The following ZSWIM9 variants were observed in gnomAD, a reference collection of about 807,000 sequenced individuals.
ZSWIM9 encodes zinc finger SWIM-type containing 9.
ZSWIM9 carries 11 observed loss-of-function variants against 25.0 expected under a neutral mutation model. The observed-to-expected ratio is 0.44, with a 90% CI of 0.28 to 0.73. The LOEUF is 0.73. Among genes scored for constraint, ZSWIM9 ranks in the 30% least tolerant of loss-of-function variants. ZSWIM9 has a pLI of 0.16. For missense variants in ZSWIM9, 1,070 were observed against 1,296.5 expected (o/e 0.83, Z 2.68); for synonymous variants, 562 against 582.1 (o/e 0.97, Z 0.50).
At chr19:48,172,123 C>CGG in intron 2 of ZSWIM9, 46 bp downstream of exon 2, 1 of 374,640 alleles carries the variant, frequency 2.7e-6, no homozygotes, top group Non-Finnish European at 4.5e-6. Flanking sequence ...AGGGGAGCAC[C>CGG]GGGGGTGGGT....
At chr19:48,187,565 A>ATTATTATTATATTATATT (rs1568579812) in intron 3 of ZSWIM9, 3 of 23,684 alleles carry the variant, frequency 1.3e-4, no homozygotes, top group African/African-American at 3.4e-4. Flanking sequence ...TATTATATAT[A>ATTATTATTATATTATATT]ATATTATATA....
chr19:48,174,013 T>G (rs1464536001), intron 2 of ZSWIM9, among the ~76,000 whole-genome samples: 1 of 152,058 alleles, frequency 6.6e-6, no homozygotes, highest in Non-Finnish European at 1.5e-5. Flanking sequence ...AGCCCATGTT[T>G]CCATTGGCAG....
intron 3 of ZSWIM9, among the ~76,000 whole-genome samples, chr19:48,191,536 C>A (rs1194952893): frequency 6.6e-6 from 1 of 152,076 alleles, no homozygotes; most frequent in Non-Finnish European, 1.5e-5. Flanking sequence ...TCAATTTTTT[C>A]TTTGGGGCAG....
chr19:48,175,444 C>T (rs1039989049), intron 2 of ZSWIM9, among the ~76,000 whole-genome samples: 26 of 152,054 alleles, frequency 1.7e-4, no homozygotes, highest in Non-Finnish European at 1.3e-4. Flanking sequence ...AGCCCATGGG[C>T]CGAGGTCAGG....
At chr19:48,178,825 C>T (rs1000226177) in intron 2 of ZSWIM9, among the ~76,000 whole-genome samples, 6 of 152,152 alleles carry the variant, frequency 3.9e-5, no homozygotes, top group African/African-American at 1.4e-4. Flanking sequence ...CTGGCCACCT[C>T]AGCCTCCCAA....
At position 48,195,139 on chromosome 19, in the gene ZSWIM9, G is replaced by A; in HGVS notation, c.1075G>A (p.Asp359Asn). 6.6e-7 allele frequency: 1 copy of A among 1,506,174 alleles called. No homozygotes were observed. The highest frequency in any genetic ancestry group is 1.4e-5 in the African/African-American group (1 of 69,704). 93.3% of individuals were successfully genotyped at this position (1,506,174 alleles called of 1,614,324 possible). A position where few individuals can be genotyped will look rare whatever the true frequency, so the allele number is the denominator to read the frequency against. Residue 359 changes from aspartate (D) to asparagine (N), a missense_variant, in exon 4 of 4, where the codon GAC (aspartate) becomes AAC (asparagine). Physicochemically the swap from Asp to Asn is conservative, Grantham distance 23. Transcript: ENST00000614654. This position sits in a 1 kb window ranked among gnomAD's most constrained non-coding sequence, Gnocchi z 5.8. The stretch of plus-strand genomic sequence containing the variant: ...TGGCGCGTCGTCGCCCGCAGCCTAC[G>A]ACGAGGCGCTGGCCGAGCTCCACGC... ...LAGASSPAAY[D>N]EALAELHAHG...
In ZSWIM9 at chr19:48,197,088, A is replaced by C; in HGVS notation, c.*261A>C. The C allele has an allele frequency of 1.7e-6, 1 of 577,440 alleles. No individual in the cohort carries two copies. Among genetic ancestry groups the C allele is most frequent in the Non-Finnish European group, 3.1e-6 (1 of 324,522 alleles). 35.8% of individuals were successfully genotyped at this position (577,440 alleles called of 1,614,324 possible). On this transcript the variant is annotated 3_prime_UTR_variant, in exon 4 of 4. Coordinates refer to ENST00000614654, the MANE Select transcript of ZSWIM9 (RefSeq NM_199341.4). ...GAGGGCTTCCCTCTGGAGAGGAAGC[A>C]TGTGATGAGAGGTGTAGACAGGGTC...
intron 3 of ZSWIM9, among the ~76,000 whole-genome samples, chr19:48,183,786 A>G (rs2036980572): frequency 7.2e-6 from 1 of 138,966 alleles, no homozygotes; most frequent in South Asian, 2.2e-4. Flanking sequence ...ACAGGCGTGC[A>G]CCACCACACC....
intron 3 of ZSWIM9, among the ~76,000 whole-genome samples, chr19:48,186,311 G>T (rs1987664): frequency 0.16 from 22,231 of 137,782 alleles, 2,038 homozygotes; most frequent in African/African-American, 0.28. Context: ...TTGTTTGTTT[G>T]TTCTTTGAGA....
chr19:48,172,291 A>G (rs2036842304), intron 2 of ZSWIM9, among the ~76,000 whole-genome samples: 1 of 151,366 alleles, frequency 6.6e-6, no homozygotes, highest in Non-Finnish European at 1.5e-5. Flanking sequence ...CTCACGGAGC[A>G]AGAGATGGTG....
rs748499981 is a variant in ZSWIM9, at chr19:48,172,126, G to T, written c.275+49G>T. ...CTGCTGGGGGGAAGGGGAGCACCGG[G>T]GGTGGGTGTGGGTGGGAGACGGGCA... On this transcript the variant is annotated intron_variant, in intron 2 of 3. Transcript: ENST00000614654. 2.9e-6 allele frequency: 4 copies of T among 1,368,576 alleles called. No homozygotes were observed. In the Admixed American group the frequency reaches 6.9e-5, roughly 24 times the overall value. 84.8% of individuals were successfully genotyped at this position (1,368,576 alleles called of 1,614,324 possible).
In ZSWIM9 at chr19:48,182,777, C is replaced by T. The variant is rs896485130; in HGVS notation, c.588+10C>T. On this transcript the variant is annotated intron_variant, in intron 3 of 3. Coordinates refer to ENST00000614654, the MANE Select transcript of ZSWIM9 (RefSeq NM_199341.4). This position sits in a 1 kb window ranked among gnomAD's most constrained non-coding sequence, Gnocchi z 4.6. ...CGACCCCGAGGCCAAGGTGGGGTCT[C>T]GAGAGAGGCAGGCCGGGGGAGGGGG... The T allele has an allele frequency of 6.6e-6, 10 of 1,516,458 alleles. No individual in the cohort carries two copies. Among genetic ancestry groups the T allele is most frequent in the Admixed American group, 4.0e-5 (2 of 49,946 alleles). 93.9% of individuals were successfully genotyped at this position (1,516,458 alleles called of 1,614,324 possible).
Position 48,195,824 on chromosome 19 carries a change from T to C in ZSWIM9, c.1760T>C (p.Leu587Pro). The C allele has an allele frequency of 4.7e-6, 7 of 1,483,878 alleles. No homozygotes were observed. Among genetic ancestry groups the C allele is most frequent in the Non-Finnish European group, 6.2e-6 (7 of 1,123,786 alleles). The allele number at this position is 1,483,878 out of a possible 1,614,324, so 91.9% of individuals were successfully genotyped here. Residue 587 changes from leucine to proline, a missense_variant, in exon 4 of 4, where the codon CTA (leucine) becomes CCA (proline). By Grantham distance (98) the Leu-to-Pro change is moderately conservative (BLOSUM62 -3). Transcript: ENST00000614654. The surrounding 1 kb of genome is among the most constrained non-coding windows in gnomAD (Gnocchi z 5.8). Reference protein sequence around the residue: ...WRGSQLEDQALRGLEGYTWRV... With the variant: ...WRGSQLEDQAPRGLEGYTWRV... The stretch of plus-strand genomic sequence containing the variant: ...GGGTCCCAGTTGGAGGACCAGGCGC[T>C]AAGAGGATTGGAAGGGTATACCTGG...
Position 48,196,885 on chromosome 19 carries a change from C to T in ZSWIM9, c.*58C>T. 2 of 1,247,460 alleles carry T rather than the reference C, an allele frequency of 1.6e-6. No individual in the cohort carries two copies. Among genetic ancestry groups the T allele is most frequent in the Non-Finnish European group, 2.0e-6 (2 of 996,640 alleles). The allele number at this position is 1,247,460 out of a possible 1,614,324, so 77.3% of individuals were successfully genotyped here. ...GGAGGGTCGGAGGGCATTCTTCGAT[C>T]CCAAAGATAATAGGGCTGAGGCCAA... On this transcript the variant is annotated 3_prime_UTR_variant, in exon 4 of 4. Coordinates refer to ENST00000614654, the MANE Select transcript of ZSWIM9 (RefSeq NM_199341.4).
chr19:48,177,024 A>G (rs113129519), intron 2 of ZSWIM9, among the ~76,000 whole-genome samples: 5,826 of 152,056 alleles, frequency 0.038, 254 homozygotes, highest in African/African-American at 0.097. Context: ...GCAGTGAGCC[A>G]AGATTGTGCC....
Position 48,195,695 on chromosome 19 carries a change from C to G in ZSWIM9, c.1631C>G (p.Ser544Trp). The G allele has an allele frequency of 6.9e-7, 1 of 1,456,476 alleles. No homozygotes were observed. Among genetic ancestry groups the G allele is most frequent in the Non-Finnish European group, 9.0e-7 (1 of 1,111,670 alleles). 90.2% of individuals were successfully genotyped at this position (1,456,476 alleles called of 1,614,324 possible). The change falls in exon 4 of 4, where the codon TCG becomes TGG. Residue 544 changes from serine to tryptophan, a missense_variant. By Grantham distance (177) the Ser-to-Trp change is radical. This residue lies in a region of ZSWIM9 where 583 missense variants were observed against 624.7 expected (regional missense o/e 0.93). Transcript: ENST00000614654. This position sits in a 1 kb window ranked among gnomAD's most constrained non-coding sequence, Gnocchi z 5.8. ...RGLEGGVLRG[S>W]KLEKGHLRGP... ...CTGGAAGGGGGTGTCTTGAGAGGGT[C>G]GAAGTTAGAGAAAGGGCACCTGAGA... is the stretch of plus-strand genomic sequence containing the variant.
rs2037172446 is a variant in ZSWIM9, at chr19:48,196,770, TGCCTTATTCCAC to T, written c.2707_2718del (p.Ala903_His906del). On this transcript the variant is annotated inframe_deletion, in exon 4 of 4. Coordinates refer to ENST00000614654, the MANE Select transcript of ZSWIM9 (RefSeq NM_199341.4). ...TTGCAGCGCGCCTCCTCACTGGGGC[TGCCTTATTCCAC>T]ATGGACCTGCTCAGGGATTGCTGGG... 8.1e-7 allele frequency: 1 copy of T among 1,233,704 alleles called. No homozygotes were observed. The highest frequency in any genetic ancestry group is 1.0e-6 in the Non-Finnish European group (1 of 989,120). The allele number at this position is 1,233,704 out of a possible 1,614,324, so 76.4% of individuals were successfully genotyped here.
At chr19:48,183,107 T>TAATG in intron 3 of ZSWIM9, 3 of 184,056 alleles carry the variant, frequency 1.6e-5, no homozygotes, top group Non-Finnish European at 3.4e-5. Flanking sequence ...ATTAATTAAT[T>TAATG]AATTAATTAA....
chr19:48,191,544 C>T (rs1206603936), intron 3 of ZSWIM9, among the ~76,000 whole-genome samples: 3 of 152,070 alleles, frequency 2.0e-5, no homozygotes, highest in Non-Finnish European at 4.4e-5. Flanking sequence ...TTCTTTGGGG[C>T]AGTCTGGAGA....
Sources: allele counts gnomAD v4.1 joint callset (sites outside exome capture counted in the v4.1 genomes callset), GRCh38; gene constraint gnomAD v4.1.1; regional missense constraint gnomAD v4.1.1; non-coding constraint Gnocchi (gnomAD v3.1); transcripts MANE v1.5; gene names NCBI Gene and HGNC (gene_info 2026-07-23, HGNC 2026-07-21).